The following HTR4 variants were observed in gnomAD, a reference collection of about 807,000 sequenced individuals.
HTR4 encodes 5-hydroxytryptamine (serotonin) receptor 4, G protein-coupled.
A neutral mutation model predicts 36.8 loss-of-function variants in HTR4; 16 were observed. The ratio of observed to expected loss-of-function variants is 0.43; its 90% CI spans 0.29 to 0.66. The LOEUF (loss-of-function observed/expected upper bound fraction) is 0.66. Among genes scored for constraint, HTR4 ranks in the 30% least tolerant of loss-of-function variants. The pLI is 0.13. For synonymous variants in HTR4, 189 were observed against 185.1 expected, an observed-to-expected ratio of 1.02 and a Z score of -0.17; for missense variants, 438 against 490.9, an observed-to-expected ratio of 0.89 and a Z score of 1.02.
chr5:148,540,187 A>T (rs1759036453), intron 4 of HTR4, among the ~76,000 whole-genome samples: 1 of 151,732 alleles, frequency 6.6e-6, no homozygotes, highest in South Asian at 2.1e-4. Flanking sequence ...TCATGAACAC[A>T]AAAAAGGGAA....
At chr5:148,650,527 T>C (rs1373736236) in intron 1 of HTR4, among the ~76,000 whole-genome samples, 1 of 152,098 alleles carries the variant, frequency 6.6e-6, no homozygotes, top group African/African-American at 2.4e-5. Context: ...GCATGCAGAA[T>C]GGAGGAATCA....
chr5:148,451,059 TG>T, exon 6 of HTR4: 1 of 1,520,164 alleles, frequency 6.6e-7, no homozygotes, highest in Non-Finnish European at 8.9e-7. Flanking sequence ...GTACCTCCTC[TG>T]GGCTCTCAGC....
intron 2 of HTR4, among the ~76,000 whole-genome samples, chr5:148,598,240 AT>A (rs562456589): frequency 3.3e-5 from 5 of 152,052 alleles, no homozygotes; most frequent in Non-Finnish European, 7.4e-5. Context: ...CAGAAAAGTG[AT>A]GCTCAGAAGG....
At chr5:148,576,529 A>G (rs979419371) in intron 2 of HTR4, among the ~76,000 whole-genome samples, 1 of 152,220 alleles carries the variant, frequency 6.6e-6, no homozygotes, top group South Asian at 2.1e-4. Context: ...TAAGCAAAAA[A>G]CAACGAAGCT....
intron 2 of HTR4, among the ~76,000 whole-genome samples, chr5:148,566,800 T>A (rs1311795207): frequency 6.6e-6 from 1 of 152,142 alleles, no homozygotes; most frequent in Non-Finnish European, 1.5e-5. Flanking sequence ...ATACCTGTAT[T>A]TATTACATAT....
intron 5 of HTR4, among the ~76,000 whole-genome samples, chr5:148,464,034 C>CAAAAAAAAAAAAAAAAAAA (rs34212190): frequency 1.0e-5 from 1 of 99,726 alleles, no homozygotes; most frequent in Non-Finnish European, 2.1e-5. Context: ...CATTGACATG[C>CAAAAAAAAAAAAAAAAAAA]AAAAAAAAAA....
intron 4 of HTR4, among the ~76,000 whole-genome samples, chr5:148,535,258 A>G (rs1407268168): frequency 6.6e-6 from 1 of 152,234 alleles, no homozygotes; most frequent in Non-Finnish European, 1.5e-5. Flanking sequence ...CTGCAGTTAA[A>G]GGAATACCCA....
Position 148,509,888 on chromosome 5 carries a change from A to T in HTR4, c.644T>A (p.Ile215Asn). Reference sequence around the variant, plus strand: ...GGCATGCTCCTTAGCTGTGACATAGATGCGGTAATAGGCCAGCACCATGAG... The same window carrying T: ...GGCATGCTCCTTAGCTGTGACATAGTTGCGGTAATAGGCCAGCACCATGAG... ...FLLMVLAYYRIYVTAKEHAHQ... is the reference protein window; with the variant it reads ...FLLMVLAYYRNYVTAKEHAHQ... Residue 215 changes from isoleucine (I) to asparagine (N), a missense_variant, in exon 6 of 7, where the codon ATC becomes AAC. Ile to Asn is a moderately radical substitution (Grantham distance 149, BLOSUM62 -3). Transcript: ENST00000377888. 6.2e-7 allele frequency: 1 copy of T among 1,613,988 alleles called. No homozygotes were observed. The highest frequency in any genetic ancestry group is 8.5e-7 in the Non-Finnish European group (1 of 1,179,984).
At chr5:148,637,189 C>G in intron 1 of HTR4, 128 bp from the exon 2 acceptor site, 1 of 664,396 alleles carries the variant, frequency 1.5e-6, no homozygotes. Context: ...ATTTAATAAA[C>G]AATACTAAAG....
intron 2 of HTR4, among the ~76,000 whole-genome samples, chr5:148,563,045 C>T (rs1231707601): frequency 2.0e-5 from 3 of 152,218 alleles, no homozygotes; most frequent in Non-Finnish European, 2.9e-5. Context: ...CACTTCCATA[C>T]TCACTGCCCT....
chr5:148,478,969 C>G (rs1755791239), downstream of HTR4, among the ~76,000 whole-genome samples: 1 of 152,076 alleles, frequency 6.6e-6, no homozygotes, highest in Non-Finnish European at 1.5e-5. Context: ...GAGATGAACT[C>G]CAGGCTCTTG....
At chr5:148,540,687 A>C (rs1387561736) in intron 4 of HTR4, among the ~76,000 whole-genome samples, 4 of 151,904 alleles carry the variant, frequency 2.6e-5, no homozygotes, top group African/African-American at 4.8e-5. Context: ...GAAAACAGAA[A>C]GATGTTTAAG....
chr5:148,518,511 C>T (rs1757865964), intron 5 of HTR4, among the ~76,000 whole-genome samples: 1 of 152,138 alleles, frequency 6.6e-6, no homozygotes, highest in Admixed American at 6.6e-5. Flanking sequence ...GTAATTCCTT[C>T]CCAAAAGTTT....
chr5:148,591,050 T>TA (rs1198457164), intron 2 of HTR4, among the ~76,000 whole-genome samples: 1 of 152,232 alleles, frequency 6.6e-6, no homozygotes, highest in Non-Finnish European at 1.5e-5. Context: ...TGCGTATGGC[T>TA]AGCCAGTTAT....
At chr5:148,568,341 C>T (rs552981061) in intron 2 of HTR4, among the ~76,000 whole-genome samples, 2 of 152,160 alleles carry the variant, frequency 1.3e-5, no homozygotes, top group South Asian at 2.1e-4. Flanking sequence ...TACCTTATCC[C>T]TTTAGAGAAT....
intron 5 of HTR4, among the ~76,000 whole-genome samples, chr5:148,470,232 T>G (rs183242195): frequency 7.2e-5 from 11 of 152,334 alleles, no homozygotes; most frequent in Admixed American, 7.2e-4. Flanking sequence ...TTCTTAAATA[T>G]TTACTATATA....
At chr5:148,472,881 A>G (rs147909917), downstream of HTR4, among the ~76,000 whole-genome samples, 1 of 152,286 alleles carries the variant, frequency 6.6e-6, no homozygotes, top group Admixed American at 6.5e-5. Flanking sequence ...TTTTGAGTAG[A>G]GTTGCTGAAT....
Position 148,540,400 on chromosome 5 carries a change from GTATATATATATATATA to G in HTR4, c.353+8252_353+8267del, listed in dbSNP as rs56021250. On this transcript the variant is annotated intron_variant, in intron 4 of 6. Coordinates refer to ENST00000377888, the MANE Select transcript of HTR4 (RefSeq NM_000870.7). ...ATTTTAGGTTTTATTTTATGTGTGT[GTATATATATATATATA>G]TATATATATATATATATATATATAT... 4.5e-3 allele frequency among the ~76,000 whole-genome samples: 334 copies of G among 74,284 alleles called. 3 individuals carry two copies. Among genetic ancestry groups the G allele is most frequent in the African/African-American group, 0.016 (242 of 15,110 alleles). The allele number at this position is 74,284 out of a possible 152,430, so 48.7% of individuals were successfully genotyped here. A position where few individuals can be genotyped will look rare whatever the true frequency, so the allele number is the denominator to read the frequency against.
chr5:148,523,648 A>G (rs116246032), intron 4 of HTR4, among the ~76,000 whole-genome samples: 1 of 152,140 alleles, frequency 6.6e-6, no homozygotes, highest in Non-Finnish European at 1.5e-5. Flanking sequence ...CTGGCCTGTG[A>G]GTTTCTGTTA....
Sources: gnomAD v4.1 joint callset for allele counts (sites outside exome capture counted in the v4.1 genomes callset) on GRCh38, gnomAD v4.1.1 for gene constraint, MANE v1.5 for transcripts, NCBI Gene and HGNC (gene_info 2026-07-23, HGNC 2026-07-21) for gene names.